ELP3: variants seen among roughly 807,000 people sequenced by gnomAD.
ELP3 encodes elongator acetyltransferase complex subunit 3, also known as elongator complex protein 3.
Under a neutral mutation model 74.9 loss-of-function variants are expected in ELP3, and 56 were observed. The observed-to-expected ratio is 0.75, with a 90% CI of 0.60 to 0.93. The LOEUF is 0.93. Among genes scored for constraint, ELP3 ranks in the 40% least tolerant of loss-of-function variants. ELP3 has a pLI of 0.00. For missense variants in ELP3, 573 were observed against 686.5 expected (o/e 0.83, Z 1.85); for synonymous variants, 222 against 239.8 (o/e 0.93, Z 0.68).
intron 2 of ELP3, among the ~76,000 whole-genome samples, chr8:28,098,184 G>T (rs1017584735): frequency 6.6e-6 from 1 of 151,546 alleles, no homozygotes; most frequent in Non-Finnish European, 1.5e-5. Context: ...AATAAGAGTT[G>T]TCTTTCATCT....
At chr8:28,144,327 C>G (rs562981316) in intron 10 of ELP3, among the ~76,000 whole-genome samples, 1 of 152,250 alleles carries the variant, frequency 6.6e-6, no homozygotes, top group African/African-American at 2.4e-5. Context: ...ACCTTAAATT[C>G]GGCCAGGCAC....
At chr8:28,182,138 G>A (rs1000121765) in intron 14 of ELP3, among the ~76,000 whole-genome samples, 5 of 152,198 alleles carry the variant, frequency 3.3e-5, no homozygotes, top group Admixed American at 2.0e-4. Flanking sequence ...GAAGGCTGCA[G>A]TAACTTGGAG....
At chr8:28,168,122 T>C (rs1814379985) in intron 14 of ELP3, among the ~76,000 whole-genome samples, 1 of 152,236 alleles carries the variant, frequency 6.6e-6, no homozygotes, top group African/African-American at 2.4e-5. Flanking sequence ...TACCAGTTTG[T>C]AGTACACCGC....
chr8:28,153,442 C>A (rs1348344381), intron 10 of ELP3, among the ~76,000 whole-genome samples: 2 of 152,156 alleles, frequency 1.3e-5, no homozygotes, highest in Non-Finnish European at 2.9e-5. Context: ...TAGAACAGTT[C>A]TTTGAATTCT....
intron 8 of ELP3, among the ~76,000 whole-genome samples, chr8:28,131,446 G>T (rs547457459): frequency 6.6e-6 from 1 of 152,304 alleles, no homozygotes; most frequent in African/African-American, 2.4e-5. Context: ...CATGAGAGAG[G>T]CCTGGCCTTG....
chr8:28,090,598 C>T (rs1040825543), upstream of ELP3, among the ~76,000 whole-genome samples: 5 of 151,650 alleles, frequency 3.3e-5, no homozygotes, highest in Non-Finnish European at 5.9e-5. Context: ...GGATAAAGGT[C>T]GTTTACCCTT....
chr8:28,170,933 A>C (rs756403785), intron 14 of ELP3, among the ~76,000 whole-genome samples: 5 of 152,204 alleles, frequency 3.3e-5, no homozygotes, highest in Non-Finnish European at 7.3e-5. Context: ...AAGTGGAATC[A>C]TAGAGTATCT....
chr8:28,183,945 G>A (rs1258106459), intron 14 of ELP3, among the ~76,000 whole-genome samples: 1 of 152,230 alleles, frequency 6.6e-6, no homozygotes, highest in Non-Finnish European at 1.5e-5. Flanking sequence ...CTGCATGTCA[G>A]TCCAGGAGGG....
chr8:28,161,939 C>T, intron 13 of ELP3, 58 bp from the exon 14 acceptor site: 3 of 1,544,128 alleles, frequency 1.9e-6, no homozygotes, highest in South Asian at 1.1e-5. Context: ...TTTTATGGAC[C>T]CCTCTTAATG....
intron 7 of ELP3, among the ~76,000 whole-genome samples, chr8:28,123,748 A>G (rs1331695055): frequency 1.3e-5 from 2 of 152,160 alleles, no homozygotes; most frequent in African/African-American, 4.8e-5. Flanking sequence ...GCTTTTCACC[A>G]TTGTGAAATT....
At position 28,106,734 on chromosome 8, in the gene ELP3, TGCAAA is replaced by T; in HGVS notation, c.281_285del (p.Cys94SerfsTer22). The T allele has an allele frequency of 2.5e-6, 4 of 1,613,060 alleles. No homozygotes were observed. Among genetic ancestry groups the T allele is most frequent in the Non-Finnish European group, 3.4e-6 (4 of 1,179,806 alleles). ...ATAGATTGCTGTCGTGGCTGTGATG[TGCAAA>T]CCCCACAGATGTCCACACATCAGTT... On this transcript the variant is annotated frameshift_variant, in exon 4 of 15. Transcript: ENST00000256398. LOFTEE classifies it high-confidence loss of function.
rs1179816552 is a variant in ELP3 at position 28,158,619 on chromosome 8, G to C, written c.1243G>C (p.Val415Leu). The C allele has an allele frequency of 6.4e-7, 1 of 1,573,658 alleles. No individual in the cohort carries two copies. The highest frequency in any genetic ancestry group is 1.8e-5 in the Admixed American group (1 of 56,452). The change falls in exon 12 of 15, where the codon GTA becomes CTA. Residue 415 changes from valine (V) to leucine (L), a missense_variant. Transcript: ENST00000256398. ...EVGIQEIHHK[V>L]RPYQVELVRR... ...TGGAATCCAAGAAATTCATCACAAAGTACGGCCATACCAGGTTAGTCTCTT... is the reference window on the plus strand; with the variant it reads ...TGGAATCCAAGAAATTCATCACAAACTACGGCCATACCAGGTTAGTCTCTT...
At position 28,160,389 on chromosome 8, in the gene ELP3, G is replaced by A. The variant is rs769425829; in HGVS notation, c.1418G>A (p.Arg473Gln). 2.0e-5 allele frequency: 32 copies of A among 1,614,146 alleles called. No individual in the cohort carries two copies. Among genetic ancestry groups the A allele is most frequent in the Non-Finnish European group, 2.3e-5 (27 of 1,180,034 alleles). ...FELGGGVSIV[R>Q]ELHVYGSVVP... ...TTGGGTGGAGGTGTCTCCATAGTACGAGAGCTGCATGTGTATGGGAGTGTG... is the reference window on the plus strand; with the variant it reads ...TTGGGTGGAGGTGTCTCCATAGTACAAGAGCTGCATGTGTATGGGAGTGTG... The change falls in exon 13 of 15, where the codon CGA becomes CAA. Residue 473 changes from arginine to glutamine, a missense_variant. Coordinates refer to ENST00000256398, the MANE Select transcript of ELP3 (RefSeq NM_018091.6).
chr8:28,119,614 ATATATATATATATAT>A (rs1325479739), intron 7 of ELP3, among the ~76,000 whole-genome samples: 1 of 117,154 alleles, frequency 8.5e-6, no homozygotes, highest in Non-Finnish European at 1.8e-5. Flanking sequence ...ATATATATAT[ATATATATATATATAT>A]GAACACATAT....
At chr8:28,160,086 A>G in intron 12 of ELP3, 143 bp from the exon 13 acceptor site, 1 of 725,428 alleles carries the variant, frequency 1.4e-6, no homozygotes, top group Non-Finnish European at 2.2e-6. Context: ...ATTTGAGAGT[A>G]GACAAGTAAA....
At chr8:28,158,668 T>C (rs1243638955) in intron 12 of ELP3, 35 bp downstream of exon 12, 1 of 1,558,442 alleles carries the variant, frequency 6.4e-7, no homozygotes, top group Admixed American at 1.7e-5. Flanking sequence ...GCCTAGGTAC[T>C]GTCCTTAGAT....
At chr8:28,171,109 T>C (rs1175281346) in intron 14 of ELP3, among the ~76,000 whole-genome samples, 1 of 152,232 alleles carries the variant, frequency 6.6e-6, no homozygotes, top group Non-Finnish European at 1.5e-5. Context: ...ATTTCGGTTG[T>C]TTCCACCTTT....
At chr8:28,106,488 C>T (rs1332666179) in intron 3 of ELP3, among the ~76,000 whole-genome samples, 2 of 145,184 alleles carry the variant, frequency 1.4e-5, no homozygotes, top group African/African-American at 5.1e-5. Context: ...TGCAGTGAGC[C>T]GAGATCCCGC....
chr8:28,137,899 G>A lies in ELP3; in HGVS notation c.1100+8G>A. On this transcript the variant is annotated splice_region_variant and intron_variant, in intron 10 of 14. Transcript: ENST00000256398. ...AGTGTACCGAGTACAGAGGTAGTGT[G>A]TTATCTTTTATTCCTAAAATAGTTG... 2 of 1,568,532 alleles carry A rather than the reference G, an allele frequency of 1.3e-6. No individual in the cohort carries two copies. Among genetic ancestry groups the A allele is most frequent in the Non-Finnish European group, 8.6e-7 (1 of 1,163,970 alleles).
Sources: gnomAD v4.1 joint callset for allele counts (sites outside exome capture counted in the v4.1 genomes callset) on GRCh38, gnomAD v4.1.1 for gene constraint, MANE v1.5 for transcripts, NCBI Gene and HGNC (gene_info 2026-07-23, HGNC 2026-07-21) for gene names.